Variants in ERAP1 observed in about 807,000 individuals in gnomAD.
ERAP1 encodes the protein endoplasmic reticulum aminopeptidase 1, also known as adipocyte-derived leucine aminopeptidase.
In ERAP1, 86 loss-of-function variants were observed where a neutral mutation model predicts 103.7. That is an observed-to-expected ratio of 0.83 (90% confidence interval 0.70 to 0.99). The LOEUF is 0.99. Ranked by LOEUF, ERAP1 falls within the 50% of genes least tolerant of loss-of-function variation. The pLI is 0.00. For missense variants in ERAP1, 1,009 were observed against 1,128.4 expected (o/e 0.89, Z 1.52); for synonymous variants, 398 against 402.4 (o/e 0.99, Z 0.13).
the ERAP1 span, among the ~76,000 whole-genome samples, chr5:96,847,270 G>A: frequency 7.0e-6 from 1 of 142,366 alleles, no homozygotes; most frequent in Non-Finnish European, 1.6e-5. Context: ...AAAAAAAGTT[G>A]AGTACAAATG....
the ERAP1 span, among the ~76,000 whole-genome samples, chr5:96,922,731 C>T: frequency 6.6e-6 from 1 of 152,226 alleles, no homozygotes; most frequent in South Asian, 2.1e-4. Context: ...ATTAGAGTTA[C>T]TCAAGCAACA....
the ERAP1 span, among the ~76,000 whole-genome samples, chr5:96,863,785 C>T: frequency 4.6e-5 from 7 of 152,180 alleles, no homozygotes; most frequent in Admixed American, 2.6e-4. Flanking sequence ...GATCCAGTCA[C>T]GTCTACCACT....
chr5:96,862,984 T>G, the ERAP1 span, among the ~76,000 whole-genome samples: 1 of 152,336 alleles, frequency 6.6e-6, no homozygotes, highest in African/African-American at 2.4e-5. Flanking sequence ...GAGCAGGGCA[T>G]AACTGAAAGT....
intron 13 of ERAP1, 155 bp downstream of exon 13, chr5:96,785,633 G>A: frequency 1.3e-6 from 1 of 768,544 alleles, no homozygotes; most frequent in Non-Finnish European, 2.2e-6. Flanking sequence ...TTAATTATAA[G>A]ACTAAAAGCA....
the ERAP1 span, among the ~76,000 whole-genome samples, chr5:96,860,249 T>C: frequency 0.087 from 13,179 of 152,064 alleles, 754 homozygotes; most frequent in Middle Eastern, 0.16. Context: ...AGACGGAGTT[T>C]CACCATGTTG....
the ERAP1 span, among the ~76,000 whole-genome samples, chr5:96,822,246 G>A: frequency 6.6e-6 from 1 of 152,084 alleles, no homozygotes; most frequent in African/African-American, 2.4e-5. Context: ...TTTTAAATTT[G>A]TAACCTCTTT....
chr5:96,935,015 G>A, the ERAP1 span: 24 of 152,392 alleles, frequency 1.6e-4, no homozygotes, highest in African/African-American at 5.5e-4. Context: ...GGAGGCTAGC[G>A]GGGCTGCCCG....
At chr5:96,923,487 G>A in the ERAP1 span, among the ~76,000 whole-genome samples, 8 of 152,266 alleles carry the variant, frequency 5.3e-5, no homozygotes, top group Admixed American at 5.2e-4. Context: ...GAGGTCAGGA[G>A]ATCGAGACCA....
the ERAP1 span, among the ~76,000 whole-genome samples, chr5:96,824,282 T>G: frequency 6.6e-6 from 1 of 152,174 alleles, no homozygotes; most frequent in Non-Finnish European, 1.5e-5. Flanking sequence ...AACACATTCC[T>G]CTGGCAATCC....
upstream of ERAP1, among the ~76,000 whole-genome samples, chr5:96,808,878 C>T (rs1778974963): frequency 6.6e-6 from 1 of 152,032 alleles, no homozygotes; most frequent in Non-Finnish European, 1.5e-5. Flanking sequence ...GGATTTTGCG[C>T]AAGAAAGAAT....
the ERAP1 span, chr5:96,909,639 C>T: frequency 0.51 from 824,638 of 1,613,606 alleles, 212,155 homozygotes; most frequent in Middle Eastern, 0.6. Context: ...GTGACAAGGG[C>T]TCAGTCTGGG....
At chr5:96,795,274 T>C in intron 4 of ERAP1, 112 bp from the exon 5 acceptor site, 1 of 1,387,850 alleles carries the variant, frequency 7.2e-7, no homozygotes, top group Non-Finnish European at 1.0e-6. Flanking sequence ...GTTGCCAATA[T>C]TAAAGAAAAT....
chr5:96,909,030 C>T, the ERAP1 span: 217 of 1,614,158 alleles, frequency 1.3e-4, no homozygotes, highest in African/African-American at 2.3e-3. Flanking sequence ...CAAGCAGCCC[C>T]GCACTTCTCG....
At chr5:96,771,775 G>A, downstream of ERAP1, 1 of 898,130 alleles carries the variant, frequency 1.1e-6, no homozygotes, top group Non-Finnish European at 1.8e-6. Context: ...GATGAGAGAA[G>A]TGAAGTCCAC....
the ERAP1 span, chr5:96,903,687 G>T: frequency 1.2e-6 from 1 of 822,246 alleles, no homozygotes; most frequent in Admixed American, 3.2e-5. Flanking sequence ...TTCAAACAGT[G>T]ATCACTAGGC....
the ERAP1 span, among the ~76,000 whole-genome samples, chr5:96,867,882 T>G: frequency 6.6e-6 from 1 of 152,276 alleles, no homozygotes; most frequent in South Asian, 2.1e-4. Flanking sequence ...AAGACTAGCC[T>G]GGCTAACATG....
rs748415207 is a variant in ERAP1 at position 96,803,475 on chromosome 5, T to G, written c.452A>C (p.Tyr151Ser). 6.2e-7 allele frequency: 1 copy of G among 1,613,380 alleles called. No individual in the cohort carries two copies. The highest frequency in any genetic ancestry group is 2.2e-5 in the East Asian group (1 of 44,888). Residue 151 changes from tyrosine to serine, a missense_variant, in exon 2 of 19, where the codon TAT becomes TCT. Transcript: ENST00000443439. ...VGLPYTVVIHYAGNLSETFHG... is the reference protein window; with the variant it reads ...VGLPYTVVIHSAGNLSETFHG... ...GAAAGTCTCCGAAAGATTGCCAGCA[T>G]AGTGAATGACAACTGTGTACGGGAG...
At chr5:96,880,379 C>T in the ERAP1 span, 1 of 907,100 alleles carries the variant, frequency 1.1e-6, no homozygotes, top group South Asian at 1.8e-5. Flanking sequence ...CTATGGGGAA[C>T]CCAGAAGAAG....
At chr5:96,835,076 AG>A in the ERAP1 span, among the ~76,000 whole-genome samples, 1 of 152,230 alleles carries the variant, frequency 6.6e-6, no homozygotes, top group Admixed American at 6.5e-5. Flanking sequence ...AGGGGCTGTT[AG>A]GCGTGTACTA....
Sources: gnomAD v4.1 joint callset for allele counts (sites outside exome capture counted in the v4.1 genomes callset) on GRCh38, gnomAD v4.1.1 for gene constraint, MANE v1.5 for transcripts, NCBI Gene and HGNC (gene_info 2026-07-23, HGNC 2026-07-21) for gene names.